UCKL1: variants seen among roughly 807,000 people sequenced by gnomAD.
UCKL1 encodes the protein uridine-cytidine kinase-like 1.
Under a neutral mutation model 59.2 loss-of-function variants are expected in UCKL1, and 65 were observed. That is an observed-to-expected ratio of 1.10 (90% CI 0.90 to 1.35). The LOEUF (loss-of-function observed/expected upper bound fraction) is 1.35, where lower values mean the gene tolerates loss of function less well. Among genes scored for constraint, UCKL1 ranks in the 40% most tolerant of loss-of-function variants. The pLI is 0.00. For missense variants in UCKL1, 703 were observed against 784.3 expected, an observed-to-expected ratio of 0.90 and a Z score of 1.24; for synonymous variants, 410 against 323.1, an observed-to-expected ratio of 1.27 and a Z score of -2.88.
chr20:63,953,167 G>T (rs1305831556), intron 1 of UCKL1, among the ~76,000 whole-genome samples: 1 of 152,244 alleles, frequency 6.6e-6, no homozygotes, highest in South Asian at 2.1e-4. Flanking sequence ...ATCACCTGAG[G>T]TTGGGCGTTT....
chr20:63,943,624 A>G, intron 8 of UCKL1, 29 bp downstream of exon 8: 1 of 1,612,614 alleles, frequency 6.2e-7, no homozygotes, highest in South Asian at 1.1e-5. Flanking sequence ...AAGTGCCTCC[A>G]TCTGTGCAGA....
At chr20:63,951,633 G>C (rs2057623403) in intron 1 of UCKL1, among the ~76,000 whole-genome samples, 1 of 151,968 alleles carries the variant, frequency 6.6e-6, no homozygotes, top group African/African-American at 2.4e-5. Flanking sequence ...AGCCACCCAG[G>C]GCTCACCACC....
Position 63,940,790 on chromosome 20 carries a change from G to C in UCKL1, c.1179+4C>G, listed in dbSNP as rs1241636204. 3 of 1,592,756 alleles carry C rather than the reference G, an allele frequency of 1.9e-6. No individual in the cohort carries two copies. In the South Asian group the frequency reaches 3.4e-5, roughly 18 times the overall value. ...CCCGCGCCCAGGTGTGCCCAGGCAG[G>C]TACCTGCTTCCCCGCATAGCACTTG... On this transcript the variant is annotated splice_donor_region_variant and intron_variant, in intron 11 of 14. Transcript: ENST00000354216.
chr20:63,956,040 C>G (rs936425112), intron 1 of UCKL1: 2 of 431,272 alleles, frequency 4.6e-6, no homozygotes, highest in Admixed American at 9.3e-5. Flanking sequence ...GACTCCTTCC[C>G]CGAGCCCCGA....
chr20:63,953,668 C>G (rs1443322879), intron 1 of UCKL1: 1 of 152,330 alleles, frequency 6.6e-6, no homozygotes, highest in Non-Finnish European at 1.5e-5. Context: ...TGCCATTGCA[C>G]TCCAGCCCAG....
intron 1 of UCKL1, chr20:63,955,446 C>T (rs916362228): frequency 2.6e-5 from 4 of 152,256 alleles, no homozygotes; most frequent in Admixed American, 6.5e-5. Context: ...ACCCTTCCCC[C>T]TGCGGCATCC....
In UCKL1 at chr20:63,946,210, G is replaced by A. The variant is rs544469698; in HGVS notation, c.362C>T (p.Ala121Val). The change falls in exon 3 of 15, where the codon GCC (alanine) becomes GTC (valine). Residue 121 changes from alanine (A) to valine (V), a missense_variant. Physicochemically the swap from Ala to Val is moderately conservative, Grantham distance 64. Transcript: ENST00000354216. ...CAAGACCACCCAGGGCACATCCAGG[G>A]CCTCGATGATCATTCTGGCCACAGT... The part of the protein sequence containing the change: ...KTTVARMIIE[A>V]LDVPWVVLLS... 8 of 1,611,460 alleles carry A rather than the reference G, an allele frequency of 5.0e-6. No individual in the cohort carries two copies. The highest frequency in any genetic ancestry group is 1.7e-5 in the Admixed American group (1 of 59,844).
chr20:63,948,007 C>T (rs1361649454), intron 1 of UCKL1, among the ~76,000 whole-genome samples: 1 of 152,086 alleles, frequency 6.6e-6, no homozygotes, highest in Non-Finnish European at 1.5e-5. Flanking sequence ...GTTGGGGGGG[C>T]ATCAACGTGG....
At position 63,956,352 on chromosome 20, in the gene UCKL1, G is replaced by A. The variant is rs758997942; in HGVS notation, c.21C>T (p.Arg7=). The A allele has an allele frequency of 3.9e-6, 6 of 1,541,338 alleles. No homozygotes were observed. In the South Asian group the frequency reaches 6.0e-5, roughly 15 times the overall value. The part of the protein sequence containing the change: MAAPPA[R]ADADPSPTSP... The stretch of plus-strand genomic sequence containing the variant: ...ACGTGGGCGAAGGATCAGCGTCCGC[G>A]CGGGCCGGGGGCGCAGCCATGGCGC... The change falls in exon 1 of 15, where the codon CGC becomes CGT. Residue 7 remains arginine, a synonymous_variant. Coordinates refer to ENST00000354216, the MANE Select transcript of UCKL1 (RefSeq NM_017859.4).
chr20:63,947,416 G>C (rs1601188464), intron 1 of UCKL1, among the ~76,000 whole-genome samples: 1 of 152,370 alleles, frequency 6.6e-6, no homozygotes, highest in East Asian at 1.9e-4. Flanking sequence ...GGGTGCCCAA[G>C]GAGACGTGAG....
chr20:63,944,944 G>C (rs2055749107), intron 5 of UCKL1, among the ~76,000 whole-genome samples: 1 of 152,164 alleles, frequency 6.6e-6, no homozygotes, highest in Admixed American at 6.5e-5. Flanking sequence ...AGGGCACCCT[G>C]GCAGGTGGGA....
At chr20:63,949,831 G>A (rs1222057612) in intron 1 of UCKL1, among the ~76,000 whole-genome samples, 3 of 152,234 alleles carry the variant, frequency 2.0e-5, no homozygotes, top group Admixed American at 6.5e-5. Context: ...CTGCACTTCC[G>A]CCATGCACCC....
rs768010443 is a variant in UCKL1, at chr20:63,940,811, A to T, written c.1162T>A (p.Cys388Ser). ...TPQGQDYAGK[C>S]YAGKQITGVS... ...GCAGGTACCTGCTTCCCCGCATAGC[A>T]CTTGCCCGCATAGTCCTGCCCCTGC... The change falls in exon 11 of 15, where the codon TGC (cysteine) becomes AGC (serine). Residue 388 changes from cysteine (C) to serine (S), a missense_variant. Cys to Ser is a moderately radical substitution (Grantham distance 112, BLOSUM62 -1). Around this residue, in one of 4 missense-constraint regions of UCKL1, gnomAD observed 156 missense variants for 185.6 expected, o/e 0.84. Coordinates refer to ENST00000354216, the MANE Select transcript of UCKL1 (RefSeq NM_017859.4). 6.3e-7 allele frequency: 1 copy of T among 1,579,318 alleles called. No individual in the cohort carries two copies. Among genetic ancestry groups the T allele is most frequent in the Non-Finnish European group, 8.6e-7 (1 of 1,164,266 alleles).
At chr20:63,956,030 G>C (rs2058593251) in intron 1 of UCKL1, 1 of 414,194 alleles carries the variant, frequency 2.4e-6, no homozygotes, top group South Asian at 3.7e-5. Context: ...TGCGCACCCG[G>C]ACTCCTTCCC....
chr20:63,946,810 G>A (rs1370140139), intron 1 of UCKL1, among the ~76,000 whole-genome samples, 167 bp from the exon 2 acceptor site: 4 of 152,122 alleles, frequency 2.6e-5, no homozygotes, highest in Non-Finnish European at 4.4e-5. Context: ...GGGCGTGGTG[G>A]CTCATGCCTG....
At position 63,951,221 on chromosome 20, in the gene UCKL1, C is replaced by T. The variant is rs765102202; in HGVS notation, c.114-4578G>A. 237 of 995,568 alleles carry T rather than the reference C, an allele frequency of 2.4e-4. 1 individual carries two copies. Among genetic ancestry groups the T allele is most frequent in the Middle Eastern group, 1.5e-3 (3 of 1,978 alleles). The allele number at this position is 995,568 out of a possible 1,614,324, so 61.7% of individuals were successfully genotyped here. The stretch of plus-strand genomic sequence containing the variant: ...GCTTGTGTATGCCTGATATTAATAG[C>T]GCTGGCTTTGCCTGGTGTGGCCCTG... On this transcript the variant is annotated intron_variant, in intron 1 of 14. Transcript: ENST00000354216.
intron 9 of UCKL1, 32 bp downstream of exon 9, chr20:63,941,078 C>T (rs752593064): frequency 8.8e-6 from 14 of 1,598,524 alleles, no homozygotes; most frequent in Non-Finnish European, 1.1e-5. Context: ...AGCACGCGCC[C>T]GGGGCCGCCC....
rs1275606717 is a variant in UCKL1, at chr20:63,944,438, T to C, written c.865A>G (p.Ile289Val). The change falls in exon 7 of 15, where the codon ATC (isoleucine) becomes GTC (valine). Residue 289 changes from isoleucine (I) to valine (V), a missense_variant. Ile to Val is a conservative substitution (Grantham distance 29). Transcript: ENST00000354216. ...TGCACGTGCTGCACAATCAGGTCGA[T>C]GGCCACCGTGTTGCCGCTCCCTGGG... is the stretch of plus-strand genomic sequence containing the variant. Reference protein sequence around the residue: ...VPRGSGNTVAIDLIVQHVHSQ... With the variant: ...VPRGSGNTVAVDLIVQHVHSQ... The C allele has an allele frequency of 3.7e-6, 5 of 1,339,332 alleles. No individual in the cohort carries two copies. The highest frequency in any genetic ancestry group is 2.4e-5 in the South Asian group (2 of 82,888). The allele number at this position is 1,339,332 out of a possible 1,614,324, so 83.0% of individuals were successfully genotyped here. A position where few individuals can be genotyped will look rare whatever the true frequency, so the allele number is the denominator to read the frequency against.
Position 63,940,583 on chromosome 20 carries a change from C to A in UCKL1, c.1302+11G>T. 5.0e-6 allele frequency: 8 copies of A among 1,606,770 alleles called. No homozygotes were observed. The highest frequency in any genetic ancestry group is 6.8e-6 in the Non-Finnish European group (8 of 1,179,492). ...ACCCCCGGGCTCATCACCCCGGCTG[C>A]CCCCAGGCACCTCGGGCTCCCCGGT... On this transcript the variant is annotated intron_variant, in intron 12 of 14. Transcript: ENST00000354216.
Sources: gnomAD v4.1 joint callset for allele counts (sites outside exome capture counted in the v4.1 genomes callset) on GRCh38, gnomAD v4.1.1 for gene constraint, gnomAD v4.1.1 regional missense constraint, MANE v1.5 for transcripts, NCBI Gene and HGNC (gene_info 2026-07-23, HGNC 2026-07-21) for gene names.